WDFY1: variants seen among roughly 807,000 people sequenced by gnomAD.
WDFY1 encodes WD repeat and FYVE domain-containing protein 1.
Under a neutral mutation model 56.4 loss-of-function variants are expected in WDFY1, and 32 were observed. The observed-to-expected ratio is 0.57, with a 90% CI of 0.43 to 0.76. The LOEUF (loss-of-function observed/expected upper bound fraction) is 0.76. WDFY1 is among the 30% of genes least tolerant of loss of function. WDFY1 has a pLI of 0.00. For missense variants in WDFY1, 480 were observed against 545.7 expected (o/e 0.88, Z 1.20); for synonymous variants, 192 against 197.3 (o/e 0.97, Z 0.23).
intron 9 of WDFY1, 81 bp from the exon 10 acceptor site, chr2:223,882,153 C>CA: frequency 6.6e-7 from 1 of 1,505,100 alleles, no homozygotes; most frequent in Non-Finnish European, 8.9e-7. Flanking sequence ...CTCACTCTGT[C>CA]ACCCAGGCTG....
chr2:223,910,876 T>C (rs1462939776), intron 3 of WDFY1, among the ~76,000 whole-genome samples: 1 of 152,142 alleles, frequency 6.6e-6, no homozygotes, highest in East Asian at 1.9e-4. Context: ...AAGTTCAATA[T>C]AGTCACCATA....
intron 1 of WDFY1, among the ~76,000 whole-genome samples, chr2:223,944,455 T>G (rs1212929120): frequency 2.7e-4 from 36 of 132,866 alleles, no homozygotes; most frequent in East Asian, 1.5e-3. Flanking sequence ...GAGGGGCGCG[T>G]TGGTGCGCAC....
intron 8 of WDFY1, among the ~76,000 whole-genome samples, chr2:223,886,852 G>C (rs1021492406): frequency 1.3e-5 from 2 of 151,732 alleles, no homozygotes; most frequent in South Asian, 2.1e-4. Context: ...TTTGAACGAT[G>C]GGTGCCCCTA....
At chr2:223,904,886 A>G (rs1320433931) in intron 4 of WDFY1, among the ~76,000 whole-genome samples, 2 of 152,212 alleles carry the variant, frequency 1.3e-5, no homozygotes, top group Admixed American at 1.3e-4. Flanking sequence ...TGCTTTTGTT[A>G]AGTTTTAAAA....
chr2:223,885,397 A>G (rs976813973), intron 8 of WDFY1, among the ~76,000 whole-genome samples: 4 of 151,898 alleles, frequency 2.6e-5, no homozygotes, highest in Admixed American at 6.6e-5. Flanking sequence ...GGATCTCACT[A>G]TATTTCCCAG....
intron 1 of WDFY1, among the ~76,000 whole-genome samples, chr2:223,920,023 A>G (rs1346672857): frequency 2.0e-5 from 3 of 152,236 alleles, no homozygotes; most frequent in African/African-American, 7.2e-5. Context: ...GAAGGGCATG[A>G]TAAGACCTTC....
intron 8 of WDFY1, among the ~76,000 whole-genome samples, chr2:223,888,206 C>T (rs912091616): frequency 2.6e-5 from 4 of 152,090 alleles, no homozygotes; most frequent in Admixed American, 2.0e-4. Context: ...CTCAGCTGCC[C>T]TAGTAGTTGG....
chr2:223,932,523 A>G (rs762338409), intron 1 of WDFY1, among the ~76,000 whole-genome samples: 5 of 152,296 alleles, frequency 3.3e-5, no homozygotes, highest in East Asian at 1.9e-4. Context: ...TGAAACAGCA[A>G]TATCTCTGAA....
intron 7 of WDFY1, among the ~76,000 whole-genome samples, 175 bp downstream of exon 7, chr2:223,895,329 A>T (rs978994163): frequency 4.6e-5 from 7 of 152,146 alleles, no homozygotes. Flanking sequence ...TTTTGCTACT[A>T]AACATCAGAC....
In WDFY1 at chr2:223,878,731, C is replaced by T; in HGVS notation, c.1174-1G>A. 6.2e-7 allele frequency: 1 copy of T among 1,609,860 alleles called. No homozygotes were observed. The highest frequency in any genetic ancestry group is 8.5e-7 in the Non-Finnish European group (1 of 1,177,532). ...CCACCACAGGTGTCATGTCCCAGAT[C>T]TACAAGGAAGGAAGAAACGCAGAAA... On this transcript the variant is annotated splice_acceptor_variant, in intron 11 of 11. Coordinates refer to ENST00000233055, the MANE Select transcript of WDFY1 (RefSeq NM_020830.5). LOFTEE classifies it high-confidence loss of function.
intron 1 of WDFY1, among the ~76,000 whole-genome samples, chr2:223,942,190 G>A (rs1689315932): frequency 6.6e-6 from 1 of 151,770 alleles, no homozygotes; most frequent in Non-Finnish European, 1.5e-5. Flanking sequence ...CATGATTCAT[G>A]AATAAAATAT....
At chr2:223,925,549 G>A (rs142232086) in intron 1 of WDFY1, among the ~76,000 whole-genome samples, 5 of 152,324 alleles carry the variant, frequency 3.3e-5, no homozygotes, top group Non-Finnish European at 5.9e-5. Flanking sequence ...GAAGGTTGGC[G>A]TGGCTGTGGC....
intron 6 of WDFY1, 54 bp from the exon 7 acceptor site, chr2:223,895,684 A>G: frequency 1.3e-6 from 2 of 1,599,908 alleles, no homozygotes; most frequent in Non-Finnish European, 1.7e-6. Context: ...AGTAAAATAT[A>G]ACTCTACATC....
At chr2:223,907,109 G>C (rs1693609792) in intron 3 of WDFY1, among the ~76,000 whole-genome samples, 1 of 151,672 alleles carries the variant, frequency 6.6e-6, no homozygotes, top group Non-Finnish European at 1.5e-5. Context: ...TGAGTAACTG[G>C]GACTAAAGGT....
chr2:223,934,871 ATATAATGTGGTAAGAGC>A (rs1183613859), intron 1 of WDFY1, among the ~76,000 whole-genome samples: 1 of 152,230 alleles, frequency 6.6e-6, no homozygotes, highest in African/African-American at 2.4e-5. Context: ...AACAGTAACA[ATATAATGTGGTAAGAGC>A]TATGAGGACA....
At chr2:223,886,260 A>G (rs767760182) in intron 8 of WDFY1, among the ~76,000 whole-genome samples, 1 of 151,868 alleles carries the variant, frequency 6.6e-6, no homozygotes, top group Non-Finnish European at 1.5e-5. Context: ...AATCACTTGA[A>G]CCCAGGAGGC....
chr2:223,916,975 C>T (rs1437111385), intron 2 of WDFY1, among the ~76,000 whole-genome samples: 9 of 151,960 alleles, frequency 5.9e-5, no homozygotes, highest in Non-Finnish European at 1.2e-4. Context: ...CCACCATGCC[C>T]GGCTAATTTT....
At chr2:223,939,783 G>A (rs145017854) in intron 1 of WDFY1, among the ~76,000 whole-genome samples, 14 of 152,144 alleles carry the variant, frequency 9.2e-5, no homozygotes, top group African/African-American at 2.9e-4. Context: ...ATAAGATTTG[G>A]GTGGGGACAC....
At chr2:223,911,695 G>C (rs1693706028) in intron 3 of WDFY1, among the ~76,000 whole-genome samples, 2 of 151,904 alleles carry the variant, frequency 1.3e-5, no homozygotes, top group Non-Finnish European at 2.9e-5. Flanking sequence ...TGAAGGCTAT[G>C]ATCTGTGGGT....
Sources: gnomAD v4.1 joint callset for allele counts (sites outside exome capture counted in the v4.1 genomes callset) on GRCh38, gnomAD v4.1.1 for gene constraint, MANE v1.5 for transcripts, NCBI Gene and HGNC (gene_info 2026-07-23, HGNC 2026-07-21) for gene names.